The following PLEKHA7 variants were observed in gnomAD, a reference collection of about 807,000 sequenced individuals.
The protein encoded by PLEKHA7 is pleckstrin homology domain containing A7, also known as pleckstrin homology domain-containing family A member 7.
Under a neutral mutation model 170.0 loss-of-function variants are expected in PLEKHA7, and 104 were observed. The observed-to-expected ratio is 0.61, with a 90% CI of 0.52 to 0.72. The LOEUF (loss-of-function observed/expected upper bound fraction) is 0.72. Ranked by LOEUF, PLEKHA7 falls within the 30% of genes least tolerant of loss-of-function variation. The pLI is 0.00. For synonymous variants in PLEKHA7, 648 were observed against 660.8 expected, an observed-to-expected ratio of 0.98 and a Z score of 0.30; for missense variants, 1,615 against 1,671.7, an observed-to-expected ratio of 0.97 and a Z score of 0.59.
At chr11:16,922,082 G>T (rs772448679) in intron 3 of PLEKHA7, among the ~76,000 whole-genome samples, 7 of 152,178 alleles carry the variant, frequency 4.6e-5, no homozygotes, top group Non-Finnish European at 1.0e-4. Flanking sequence ...CTGGAAACAG[G>T]TTTGATATGG....
intron 3 of PLEKHA7, among the ~76,000 whole-genome samples, chr11:16,909,657 T>G (rs1304272356): frequency 6.6e-6 from 1 of 152,142 alleles, no homozygotes; most frequent in Non-Finnish European, 1.5e-5. Flanking sequence ...GGGCTCAGTT[T>G]CCTCCTCTGC....
chr11:16,802,249 C>G (rs1020693241), intron 15 of PLEKHA7, among the ~76,000 whole-genome samples: 4 of 152,248 alleles, frequency 2.6e-5, no homozygotes, highest in Admixed American at 6.5e-5. Context: ...ATGTTGGTGG[C>G]CCCTGGCCCA....
intron 3 of PLEKHA7, among the ~76,000 whole-genome samples, chr11:16,966,324 G>A (rs1862375170): frequency 7.7e-6 from 1 of 129,918 alleles, no homozygotes. Flanking sequence ...GTGTGTGTGT[G>A]TGTCTAGGCT....
At chr11:16,840,202 T>TCTCA (rs975235063) in intron 9 of PLEKHA7, among the ~76,000 whole-genome samples, 8 of 152,164 alleles carry the variant, frequency 5.3e-5, no homozygotes, top group Admixed American at 1.3e-4. Flanking sequence ...TCATCGAATC[T>TCTCA]CTCACTCACT....
At chr11:16,801,573 T>C (rs1159200350) in intron 16 of PLEKHA7, 95 bp downstream of exon 16, 1 of 1,487,994 alleles carries the variant, frequency 6.7e-7, no homozygotes, top group African/African-American at 1.4e-5. Context: ...GACTCTTGCC[T>C]CTGGACACCA....
At chr11:16,878,929 T>G (rs1855506563) in intron 3 of PLEKHA7, among the ~76,000 whole-genome samples, 1 of 152,194 alleles carries the variant, frequency 6.6e-6, no homozygotes, top group African/African-American at 2.4e-5. Flanking sequence ...TTGGCTCTCC[T>G]GAACTGTGTT....
At chr11:16,907,419 C>A (rs1479885559) in intron 3 of PLEKHA7, among the ~76,000 whole-genome samples, 2 of 129,040 alleles carry the variant, frequency 1.5e-5, no homozygotes, top group African/African-American at 3.0e-5. Flanking sequence ...CCAGCCGCCC[C>A]GTCCGGGAGG....
chr11:16,792,609 C>CT (rs968088316), intron 19 of PLEKHA7, among the ~76,000 whole-genome samples: 3 of 151,636 alleles, frequency 2.0e-5, no homozygotes, highest in African/African-American at 7.3e-5. Flanking sequence ...CAGGAAGCAG[C>CT]TTGGCCTGGG....
chr11:16,881,265 A>C (rs1337377132), intron 3 of PLEKHA7: 1 of 152,208 alleles, frequency 6.6e-6, no homozygotes, highest in Non-Finnish European at 1.5e-5. Context: ...TTACCGGAAA[A>C]GGCAGGGGAC....
chr11:16,842,652 G>A (rs1162915871), intron 8 of PLEKHA7: 2 of 145,484 alleles, frequency 1.4e-5, no homozygotes, highest in African/African-American at 5.0e-5. Context: ...ACTGAAAAAT[G>A]ACTGGGAAGA....
At chr11:16,803,200 G>C in intron 14 of PLEKHA7, 27 bp downstream of exon 14, 2 of 1,606,180 alleles carry the variant, frequency 1.2e-6, no homozygotes, top group Non-Finnish European at 1.7e-6. Context: ...GCAGCTGAGG[G>C]GTCAGCGTGT....
chr11:16,816,357 C>G lies in PLEKHA7; in HGVS notation c.1867-93G>C, dbSNP rs10832685. 2.5e-5 allele frequency: 21 copies of G among 838,212 alleles called. No individual in the cohort carries two copies. The East Asian group carries it at 5.5e-4, about 22-fold the overall frequency. 51.9% of individuals were successfully genotyped at this position (838,212 alleles called of 1,614,324 possible). ...CCCCATGCCATGTCCCCTCTGAGCC[C>G]CAGACTTCTCATCTATGAAATGAGC... On this transcript the variant is annotated intron_variant, in intron 11 of 26. Transcript: ENST00000531066.
chr11:17,007,015 C>G (rs1212674852), intron 3 of PLEKHA7, among the ~76,000 whole-genome samples: 3 of 152,232 alleles, frequency 2.0e-5, no homozygotes, highest in African/African-American at 7.2e-5. Flanking sequence ...TTCTGAAGGA[C>G]TCATGCCTGG....
chr11:16,791,510 T>A lies in PLEKHA7; in HGVS notation c.2746-311A>T. The A allele has an allele frequency of 1.8e-6, 1 of 558,250 alleles. No individual in the cohort carries two copies. 34.6% of individuals were successfully genotyped at this position (558,250 alleles called of 1,614,324 possible). A position where few individuals can be genotyped will look rare whatever the true frequency, so the allele number is the denominator to read the frequency against. ...CTCGGTGCTGTGCTGAACTGCTCCC[T>A]CCGCTCATCTGGAGTGCACATCGCA... On this transcript the variant is annotated intron_variant, in intron 19 of 26. Transcript: ENST00000531066. This position sits in a 1 kb window ranked among gnomAD's most constrained non-coding sequence, Gnocchi z 4.5.
At chr11:16,954,458 C>T (rs1861583460) in intron 3 of PLEKHA7, among the ~76,000 whole-genome samples, 1 of 151,652 alleles carries the variant, frequency 6.6e-6, no homozygotes, top group African/African-American at 2.4e-5. Flanking sequence ...TGCTTGAGCC[C>T]AGGAGTTCAA....
chr11:17,003,054 G>A lies in PLEKHA7; in HGVS notation c.221+10935C>T, dbSNP rs550707934. On this transcript the variant is annotated intron_variant, in intron 3 of 26. Transcript: ENST00000531066. ...GTTGCCTAGGCTGGCATGCAATGGC[G>A]CAATTTCGGCTCACTGCAACCTCTG... Among the ~76,000 whole-genome samples, 20 of 144,642 alleles carry A rather than the reference G, an allele frequency of 1.4e-4. No homozygotes were observed. The East Asian group carries it at 2.1e-3, about 15-fold the overall frequency. The allele number at this position is 144,642 out of a possible 152,430, so 94.9% of individuals were successfully genotyped here.
chr11:16,801,547 A>C, intron 16 of PLEKHA7, 121 bp downstream of exon 16: 2 of 1,244,886 alleles, frequency 1.6e-6, no homozygotes, highest in Non-Finnish European at 2.2e-6. Flanking sequence ...CTACTGGAGA[A>C]GCTCTGCTAT....
chr11:16,970,001 T>C (rs1862611274), intron 3 of PLEKHA7, among the ~76,000 whole-genome samples: 1 of 152,184 alleles, frequency 6.6e-6, no homozygotes, highest in Non-Finnish European at 1.5e-5. Context: ...CCAAGTTTCA[T>C]GAGGGAACAA....
At chr11:16,827,832 A>AAG (rs1332349550) in intron 9 of PLEKHA7, among the ~76,000 whole-genome samples, 1 of 150,916 alleles carries the variant, frequency 6.6e-6, no homozygotes, top group African/African-American at 2.4e-5. Context: ...CCATGGTTAA[A>AAG]AAAAAAAAAA....
Sources: gnomAD v4.1 joint callset for allele counts (sites outside exome capture counted in the v4.1 genomes callset) on GRCh38, gnomAD v4.1.1 for gene constraint, Gnocchi (gnomAD v3.1) non-coding constraint, MANE v1.5 for transcripts, NCBI Gene and HGNC (gene_info 2026-07-23, HGNC 2026-07-21) for gene names.